The following AGMO variants were observed in gnomAD, a reference collection of about 807,000 sequenced individuals.
The protein encoded by AGMO is alkylglycerol monooxygenase, also known as glyceryl-ether monooxygenase.
AGMO carries 75 observed loss-of-function variants against 60.2 expected under a neutral mutation model. The observed-to-expected ratio is 1.25, with a 90% confidence interval of 1.03 to 1.51. The LOEUF (loss-of-function observed/expected upper bound fraction) is 1.51, where lower values mean the gene tolerates loss of function less well. Among genes scored for constraint, AGMO ranks in the 40% most tolerant of loss-of-function variants. AGMO has a pLI of 0.00. For synonymous variants in AGMO, 261 were observed against 177.1 expected (o/e 1.47, Z -3.76); for missense variants, 763 against 525.5 (o/e 1.45, Z -4.42).
intron 2 of AGMO, among the ~76,000 whole-genome samples, chr7:15,557,605 T>G (rs1785180743): frequency 6.6e-6 from 1 of 150,580 alleles, no homozygotes; most frequent in African/African-American, 2.5e-5. Flanking sequence ...GATTTTTTTT[T>G]AATAGCAAAA....
At chr7:15,247,493 G>T in intron 12 of AGMO, among the ~76,000 whole-genome samples, 1 of 151,368 alleles carries the variant, frequency 6.6e-6, no homozygotes, top group African/African-American at 2.4e-5. Context: ...GAGAGAGGGA[G>T]AGAGAGACAG....
intron 12 of AGMO, among the ~76,000 whole-genome samples, chr7:15,221,023 A>G (rs1250063150): frequency 6.6e-6 from 1 of 152,242 alleles, no homozygotes; most frequent in East Asian, 1.9e-4. Context: ...TGAGGATGTC[A>G]GAATGATGAA....
rs566887336 is a variant in AGMO, at chr7:15,361,278, A to G, written c.1263+4236T>C. ...AACTCTGAACATGTGAACTTAGTTG[A>G]AAAAAAAAAAAAGATCTTTGGGAGG... On this transcript the variant is annotated intron_variant, in intron 12 of 12. Coordinates refer to ENST00000342526, the MANE Select transcript of AGMO (RefSeq NM_001004320.2). 3.4e-3 allele frequency among the ~76,000 whole-genome samples: 482 copies of G among 142,552 alleles called. 1 individual carries two copies. Among genetic ancestry groups the G allele is most frequent in the African/African-American group, 0.012 (449 of 38,408 alleles). The allele number at this position is 142,552 out of a possible 152,430, so 93.5% of individuals were successfully genotyped here.
At chr7:15,312,028 T>C (rs1038481824) in intron 12 of AGMO, among the ~76,000 whole-genome samples, 42 of 151,676 alleles carry the variant, frequency 2.8e-4, no homozygotes, top group Admixed American at 2.2e-3. Flanking sequence ...ACTCTCCAAA[T>C]GCATCACTGG....
At chr7:15,186,719 T>G in the AGMO span, among the ~76,000 whole-genome samples, 1 of 152,216 alleles carries the variant, frequency 6.6e-6, no homozygotes, top group Non-Finnish European at 1.5e-5. Flanking sequence ...AACTAAAGGT[T>G]AGGCAATTCA....
the AGMO span, among the ~76,000 whole-genome samples, chr7:15,121,967 T>C: frequency 0.024 from 3,624 of 152,168 alleles, 63 homozygotes; most frequent in Non-Finnish European, 0.033. Flanking sequence ...GAAGAAAACC[T>C]AGGCAATACC....
At chr7:15,192,636 C>G in the AGMO span, among the ~76,000 whole-genome samples, 3 of 152,146 alleles carry the variant, frequency 2.0e-5, no homozygotes, top group Non-Finnish European at 4.4e-5. Flanking sequence ...CACCCTGACT[C>G]TCCACTGAGC....
At chr7:15,431,234 A>G (rs1781229515) in intron 3 of AGMO, 126 bp from the exon 4 acceptor site, 1 of 637,378 alleles carries the variant, frequency 1.6e-6, no homozygotes, top group African/African-American at 1.9e-5. Flanking sequence ...AAGCTGGCCA[A>G]TATAATTATA....
At chr7:15,469,752 A>G (rs1450679300) in intron 3 of AGMO, among the ~76,000 whole-genome samples, 1 of 152,118 alleles carries the variant, frequency 6.6e-6, no homozygotes, top group Non-Finnish European at 1.5e-5. Context: ...ATACATAAGG[A>G]AAGCCAGGAA....
At chr7:15,223,552 T>C (rs1781985450) in intron 12 of AGMO, among the ~76,000 whole-genome samples, 1 of 151,894 alleles carries the variant, frequency 6.6e-6, no homozygotes, top group African/African-American at 2.4e-5. Context: ...AAATGTCCAA[T>C]AAGGGAGAAA....
chr7:15,372,258 C>G (rs1418192308), intron 10 of AGMO, among the ~76,000 whole-genome samples: 1 of 152,026 alleles, frequency 6.6e-6, no homozygotes, highest in Non-Finnish European at 1.5e-5. Context: ...CAGGACCAGT[C>G]TGGCCAACAC....
At chr7:15,327,858 A>C (rs1308529834) in intron 12 of AGMO, among the ~76,000 whole-genome samples, 1 of 146,280 alleles carries the variant, frequency 6.8e-6, no homozygotes, top group Admixed American at 7.1e-5. Flanking sequence ...TTGACCTACC[A>C]GCCTCAGGTG....
At chr7:15,434,677 T>C (rs1781349440) in intron 3 of AGMO, among the ~76,000 whole-genome samples, 1 of 152,052 alleles carries the variant, frequency 6.6e-6, no homozygotes, top group Non-Finnish European at 1.5e-5. Flanking sequence ...ACACTGCAGT[T>C]TGCAAAGAGC....
At chr7:15,469,640 A>C (rs1562523141) in intron 3 of AGMO, among the ~76,000 whole-genome samples, 1 of 152,138 alleles carries the variant, frequency 6.6e-6, no homozygotes, top group Non-Finnish European at 1.5e-5. Flanking sequence ...AATTGACAGA[A>C]TTTTGTGATT....
chr7:15,253,721 T>C (rs1021551594), intron 12 of AGMO, among the ~76,000 whole-genome samples: 6 of 152,150 alleles, frequency 3.9e-5, no homozygotes, highest in Non-Finnish European at 1.5e-5. Flanking sequence ...TTCTCTCTTC[T>C]AGCTATTTGA....
At chr7:15,334,684 T>C (rs987942907) in intron 12 of AGMO, among the ~76,000 whole-genome samples, 4 of 152,192 alleles carry the variant, frequency 2.6e-5, no homozygotes, top group African/African-American at 9.6e-5. Flanking sequence ...ACAACCATTA[T>C]TGAAAGCCTT....
chr7:15,376,127 T>A lies in AGMO; in HGVS notation c.1074+9319A>T, dbSNP rs765949690. Among the ~76,000 whole-genome samples the A allele has an allele frequency of 7.2e-5, 11 of 152,248 alleles. No individual in the cohort carries two copies. In the South Asian group the frequency reaches 1.9e-3, roughly 26 times the overall value. On this transcript the variant is annotated intron_variant, in intron 10 of 12. Transcript: ENST00000342526. ...GTTAATAGTCTTCCGTTACTACAAA[T>A]CCATTACATTCATTTCATGCCTTTG...
chr7:15,426,501 C>A (rs1413681578), intron 4 of AGMO, among the ~76,000 whole-genome samples: 1 of 152,064 alleles, frequency 6.6e-6, no homozygotes, highest in African/African-American at 2.4e-5. Flanking sequence ...ATAATCCCAC[C>A]ACTTTGGGGG....
chr7:15,511,695 C>T (rs938602847), intron 3 of AGMO, among the ~76,000 whole-genome samples: 1 of 152,124 alleles, frequency 6.6e-6, no homozygotes, highest in South Asian at 2.1e-4. Flanking sequence ...ACTTGATGTG[C>T]TAATCATTTC....
Sources: allele counts gnomAD v4.1 joint callset (sites outside exome capture counted in the v4.1 genomes callset), GRCh38; gene constraint gnomAD v4.1.1; transcripts MANE v1.5; gene names NCBI Gene and HGNC (gene_info 2026-07-23, HGNC 2026-07-21).